Variants in KLHDC4 observed in about 807,000 individuals in gnomAD.
KLHDC4 encodes kelch domain containing 4, also known as kelch domain-containing protein 4.
Under a neutral mutation model 62.4 loss-of-function variants are expected in KLHDC4, and 90 were observed. The observed-to-expected ratio is 1.44, with a 90% CI of 1.22 to 1.72. The LOEUF is 1.72. Among genes scored for constraint, KLHDC4 ranks in the 40% most tolerant of loss-of-function variants. KLHDC4 has a pLI of 0.00. For missense variants in KLHDC4, 1,025 were observed against 699.7 expected, an observed-to-expected ratio of 1.47 and a Z score of -5.25; for synonymous variants, 386 against 284.4, an observed-to-expected ratio of 1.36 and a Z score of -3.59.
chr16:87,753,499 G>A (rs949081089), intron 4 of KLHDC4, among the ~76,000 whole-genome samples: 5 of 152,110 alleles, frequency 3.3e-5, no homozygotes, highest in African/African-American at 7.2e-5. Flanking sequence ...TTTGATAGGT[G>A]AAAAAATCCA....
chr16:87,762,241 A>T, intron 1 of KLHDC4: 1 of 1,122,922 alleles, frequency 8.9e-7, no homozygotes, highest in Admixed American at 3.1e-5. Flanking sequence ...CAGTCTGCTT[A>T]AAGGGTAGAT....
chr16:87,700,944 G>A (rs1462709072), exon 1 of KLHDC4: 2 of 243,244 alleles, frequency 8.2e-6, no homozygotes, highest in South Asian at 7.4e-5. Context: ...GGCTTCTCTC[G>A]CGCCCAGGCC....
chr16:87,707,733 C>A (rs558139745), downstream of KLHDC4: 3 of 298,652 alleles, frequency 1.0e-5, no homozygotes, highest in African/African-American at 6.6e-5. Flanking sequence ...TCGCCCTAGG[C>A]CCAGCCCTGG....
chr16:87,760,602 G>A lies in KLHDC4; in HGVS notation c.191+1347C>T, dbSNP rs537557262. Reference sequence around the variant, plus strand: ...AGCCTGGGTGACAGAGTGAGACTCCGTCCCAAAAAAAAAAAAAAAAAAAAG... The same window carrying A: ...AGCCTGGGTGACAGAGTGAGACTCCATCCCAAAAAAAAAAAAAAAAAAAAG... On this transcript the variant is annotated intron_variant, in intron 2 of 11. Transcript: ENST00000270583. 9.1e-3 allele frequency among the ~76,000 whole-genome samples: 828 copies of A among 91,056 alleles called. 2 individuals carry two copies. The highest frequency in any genetic ancestry group is 0.012 in the Non-Finnish European group (591 of 48,072). 59.7% of individuals were successfully genotyped at this position (91,056 alleles called of 152,430 possible). A position where few individuals can be genotyped will look rare whatever the true frequency, so the allele number is the denominator to read the frequency against.
intron 4 of KLHDC4, among the ~76,000 whole-genome samples, chr16:87,754,590 A>T (rs765373837): frequency 1.2e-4 from 18 of 152,190 alleles, no homozygotes; most frequent in Non-Finnish European, 1.5e-4. Flanking sequence ...TGCACTGGAG[A>T]GGCAGGCACT....
chr16:87,765,251 C>G (rs1171191010), intron 1 of KLHDC4: 1 of 455,978 alleles, frequency 2.2e-6, no homozygotes, highest in Non-Finnish European at 4.4e-6. Context: ...CCGCCATCAG[C>G]TGCTACGGGA....
At chr16:87,702,533 G>A in exon 1 of KLHDC4, 1 of 355,052 alleles carries the variant, frequency 2.8e-6, no homozygotes, top group South Asian at 2.1e-5. Context: ...CCTCCTCGGG[G>A]GCAGGCGCCC....
intron 7 of KLHDC4, among the ~76,000 whole-genome samples, chr16:87,719,067 C>T (rs538766571): frequency 5.6e-4 from 85 of 151,184 alleles, no homozygotes; most frequent in African/African-American, 1.7e-3. Context: ...AGCCCCCGCC[C>T]GGCCAGCCGC....
intron 5 of KLHDC4, among the ~76,000 whole-genome samples, chr16:87,741,476 CG>C (rs1163772182): frequency 6.6e-6 from 1 of 152,124 alleles, no homozygotes; most frequent in African/African-American, 2.4e-5. Flanking sequence ...ATCCAGGTTG[CG>C]GAATCTAGGT....
intron 8 of KLHDC4, among the ~76,000 whole-genome samples, chr16:87,713,426 G>C (rs1229335536): frequency 6.6e-6 from 1 of 151,906 alleles, no homozygotes; most frequent in East Asian, 1.9e-4. Context: ...TCAAACTCTT[G>C]GCCTCAAGCA....
intron 1 of KLHDC4, among the ~76,000 whole-genome samples, chr16:87,764,869 T>C (rs1187894018): frequency 7.3e-6 from 1 of 136,408 alleles, no homozygotes; most frequent in Non-Finnish European, 1.6e-5. Flanking sequence ...CTAAGAGGAG[T>C]GTGAGGGAAA....
intron 4 of KLHDC4, among the ~76,000 whole-genome samples, chr16:87,754,300 C>T (rs1199156212): frequency 6.6e-6 from 1 of 151,810 alleles, no homozygotes; most frequent in Non-Finnish European, 1.5e-5. Context: ...GAGCCGAAAT[C>T]AGGCCATTGC....
intron 7 of KLHDC4, among the ~76,000 whole-genome samples, chr16:87,719,210 G>T (rs1278538495): frequency 6.6e-6 from 1 of 152,248 alleles, no homozygotes; most frequent in African/African-American, 2.4e-5. Flanking sequence ...TGATGATGGT[G>T]GTTTTGTCAA....
chr16:87,745,444 G>C (rs2042901450), intron 5 of KLHDC4, among the ~76,000 whole-genome samples: 1 of 152,262 alleles, frequency 6.6e-6, no homozygotes, highest in Non-Finnish European at 1.5e-5. Context: ...AGCTCCGCCT[G>C]ATGCTGCAGG....
chr16:87,740,703 C>T (rs1302750191), intron 5 of KLHDC4: 1 of 152,192 alleles, frequency 6.6e-6, no homozygotes, highest in African/African-American at 2.4e-5. Context: ...TGTTTACATG[C>T]GAGGGAAAAG....
Position 87,711,441 on chromosome 16 carries a change from T to C in KLHDC4, c.838A>G (p.Lys280Glu). The stretch of plus-strand genomic sequence containing the variant: ...GGGTTCATCCGAGTCCAAACCCACT[T>C]GTCTGTCAAAAGAGAACAAGGAAGT... ...LLKPEDGRED[K>E]WVWTRMNPSG... Residue 280 changes from lysine (K) to glutamate (E), a missense_variant and splice_region_variant, in exon 9 of 12, where the codon AAG becomes GAG. Transcript: ENST00000270583. 1 of 1,608,236 alleles carries C rather than the reference T, an allele frequency of 6.2e-7. No individual in the cohort carries two copies. The highest frequency in any genetic ancestry group is 2.2e-5 in the East Asian group (1 of 44,808).
chr16:87,709,543 GCCA>G lies in KLHDC4; in HGVS notation c.1166_1168del (p.Val389del). ...AATGGTGACCACGGTGCCATCCTCG[GCCA>G]CCACCTCCTTGACCAGCTGCACAGG... is the stretch of plus-strand genomic sequence containing the variant. On this transcript the variant is annotated inframe_deletion, in exon 10 of 12. Coordinates refer to ENST00000270583, the MANE Select transcript of KLHDC4 (RefSeq NM_017566.4). 1 of 1,612,474 alleles carries G rather than the reference GCCA, an allele frequency of 6.2e-7. No individual in the cohort carries two copies. The highest frequency in any genetic ancestry group is 8.5e-7 in the Non-Finnish European group (1 of 1,179,980).
At chr16:87,718,507 T>C (rs573736521) in intron 7 of KLHDC4, among the ~76,000 whole-genome samples, 10 of 151,582 alleles carry the variant, frequency 6.6e-5, no homozygotes, top group African/African-American at 2.4e-4. Context: ...GTGCCTGGGA[T>C]TGCAGGCACG....
chr16:87,752,449 G>C (rs2044159802), intron 4 of KLHDC4, among the ~76,000 whole-genome samples: 1 of 151,026 alleles, frequency 6.6e-6, no homozygotes, highest in Non-Finnish European at 1.5e-5. Flanking sequence ...CGATTCTCCT[G>C]CCTCAGCCTC....
Sources: gnomAD v4.1 joint callset for allele counts (sites outside exome capture counted in the v4.1 genomes callset) on GRCh38, gnomAD v4.1.1 for gene constraint, MANE v1.5 for transcripts, NCBI Gene and HGNC (gene_info 2026-07-23, HGNC 2026-07-21) for gene names.